The following PSME3 variants were observed in gnomAD, a reference collection of about 807,000 sequenced individuals.
The protein encoded by PSME3 is proteasome activator complex subunit 3.
Under a neutral mutation model 38.3 loss-of-function variants are expected in PSME3, and 7 were observed. That is an observed-to-expected ratio of 0.18 (90% confidence interval 0.10 to 0.34). PSME3 has a LOEUF of 0.34. Ranked by LOEUF, PSME3 falls within the 10% of genes least tolerant of loss-of-function variation. PSME3 has a pLI of 1.00. For synonymous variants in PSME3, 108 were observed against 105.7 expected (o/e 1.02, Z -0.13); for missense variants, 192 against 307.6 (o/e 0.62, Z 2.81).
At chr17:42,839,623 A>G (rs1184598733) in intron 10 of PSME3, among the ~76,000 whole-genome samples, 4 of 152,200 alleles carry the variant, frequency 2.6e-5, no homozygotes, top group African/African-American at 7.2e-5. Context: ...AGTCAGACAG[A>G]CTTAGGTTTG....
intron 10 of PSME3, among the ~76,000 whole-genome samples, chr17:42,839,744 C>G (rs1005662855): frequency 6.6e-6 from 1 of 152,192 alleles, no homozygotes; most frequent in African/African-American, 2.4e-5. Context: ...TGCCTGTAAT[C>G]CCACCACTTT....
chr17:42,839,658 T>C (rs999556473), intron 10 of PSME3, among the ~76,000 whole-genome samples: 3 of 152,216 alleles, frequency 2.0e-5, no homozygotes, highest in Non-Finnish European at 4.4e-5. Context: ...CTGTGTTGTG[T>C]GACCTCGAGC....
chr17:42,833,721 C>T, intron 1 of PSME3, 48 bp downstream of exon 1: 1 of 1,614,234 alleles, frequency 6.2e-7, no homozygotes, highest in Non-Finnish European at 8.5e-7. Context: ...GATCCCCCAG[C>T]AGTCTGACCG....
chr17:42,836,294 C>T (rs955162239), intron 4 of PSME3, among the ~76,000 whole-genome samples: 19 of 151,778 alleles, frequency 1.3e-4, no homozygotes, highest in Admixed American at 2.6e-4. Flanking sequence ...CATGAGCCAT[C>T]GTGCTCGGCC....
rs1277751514 is a variant in PSME3 at position 42,834,754 on chromosome 17, G to T, written c.139-18G>T. ...TTCAGCTTGAAAAGATTAATGTTTT[G>T]GGGTGGGTGTCTTTCAGGAACCAAT... On this transcript the variant is annotated intron_variant, in intron 3 of 10. Coordinates refer to ENST00000590720, the MANE Select transcript of PSME3 (RefSeq NM_005789.4). The T allele has an allele frequency of 1.2e-6, 2 of 1,609,548 alleles. No homozygotes were observed. The highest frequency in any genetic ancestry group is 8.5e-7 in the Non-Finnish European group (1 of 1,176,406).
intron 8 of PSME3, 48 bp downstream of exon 8, chr17:42,839,060 T>C: frequency 6.2e-7 from 1 of 1,601,272 alleles, no homozygotes; most frequent in Non-Finnish European, 8.6e-7. Flanking sequence ...GATGAGGTGG[T>C]GGGCACCATC....
At chr17:42,837,089 T>C (rs561919064) in intron 4 of PSME3, among the ~76,000 whole-genome samples, 11 of 152,108 alleles carry the variant, frequency 7.2e-5, no homozygotes, top group South Asian at 2.1e-4. Context: ...TCTTGCTCTG[T>C]TGCCCAGGCT....
chr17:42,834,924 GTCC>G (rs756481356), intron 4 of PSME3, 48 bp downstream of exon 4: 9 of 1,607,980 alleles, frequency 5.6e-6, no homozygotes, highest in Admixed American at 1.7e-5. Flanking sequence ...TAGGTCCTCT[GTCC>G]TCTGTTTCCT....
In PSME3 at chr17:42,843,342, G is replaced by A. The variant is rs2055557699; in HGVS notation, c.*1764G>A. ...ACCTCCATGGACACCTAGCCACCCTGTTGTGTGTCCTTATGCCAGTTGAGC... is the reference window on the plus strand; with the variant it reads ...ACCTCCATGGACACCTAGCCACCCTATTGTGTGTCCTTATGCCAGTTGAGC... On this transcript the variant is annotated 3_prime_UTR_variant, in exon 11 of 11. Coordinates refer to ENST00000590720, the MANE Select transcript of PSME3 (RefSeq NM_005789.4). 1 of 152,742 alleles carries A rather than the reference G, an allele frequency of 6.5e-6. No homozygotes were observed. The highest frequency in any genetic ancestry group is 6.5e-5 in the Admixed American group (1 of 15,278). 9.5% of individuals were successfully genotyped at this position (152,742 alleles called of 1,614,324 possible).
chr17:42,838,166 G>A lies in PSME3; in HGVS notation c.366G>A (p.Val122=). The A allele has an allele frequency of 6.2e-7, 1 of 1,614,146 alleles. No individual in the cohort carries two copies. Among genetic ancestry groups the A allele is most frequent in the Non-Finnish European group, 8.5e-7 (1 of 1,180,036 alleles). The stretch of plus-strand genomic sequence containing the variant: ...AGCTGGTGGACATTATTGAGAAAGT[G>A]AAACCTGAGATCCGGCTGTTGATTG... The part of the protein sequence containing the change: ...NQQLVDIIEK[V]KPEIRLLIEK... Residue 122 remains valine, a synonymous_variant, in exon 6 of 11, where the codon GTG becomes GTA. Transcript: ENST00000590720.
chr17:42,842,650 GTGTGTA>G lies in PSME3; in HGVS notation c.*1083_*1088del, dbSNP rs1215427015. 1.0e-4 allele frequency: 16 copies of G among 152,908 alleles called. No homozygotes were observed. In the East Asian group the frequency reaches 2.1e-3, roughly 20 times the overall value. The allele number at this position is 152,908 out of a possible 1,614,324, so 9.5% of individuals were successfully genotyped here. A position where few individuals can be genotyped will look rare whatever the true frequency, so the allele number is the denominator to read the frequency against. The stretch of plus-strand genomic sequence containing the variant: ...GGGCTTCCGGGGAAAGCAATCATTG[GTGTGTA>G]TGTGTATGTGCATGCACACACGTGC... On this transcript the variant is annotated 3_prime_UTR_variant, in exon 11 of 11. Coordinates refer to ENST00000590720, the MANE Select transcript of PSME3 (RefSeq NM_005789.4).
chr17:42,833,437 G>A lies in PSME3; in HGVS notation c.-195G>A, dbSNP rs530380421. 1.1e-5 allele frequency: 7 copies of A among 635,130 alleles called. No homozygotes were observed. Among genetic ancestry groups the A allele is most frequent in the East Asian group, 5.6e-5 (2 of 35,858 alleles). 39.3% of individuals were successfully genotyped at this position (635,130 alleles called of 1,614,324 possible). ...AGCGGCGAAAGCCGGGAGGGCGAGC[G>A]AGAGAGCAAGCAGGCAGCAGGCTGC... On this transcript the variant is annotated 5_prime_UTR_variant, in exon 1 of 11. Transcript: ENST00000590720.
At chr17:42,839,459 G>T in intron 10 of PSME3, 79 bp downstream of exon 10, 1 of 1,209,098 alleles carries the variant, frequency 8.3e-7, no homozygotes. Flanking sequence ...ATTCTCTGAA[G>T]GGCTGAGATG....
intron 5 of PSME3, 45 bp from the exon 6 acceptor site, chr17:42,838,048 G>A: frequency 6.3e-7 from 1 of 1,596,704 alleles, no homozygotes; most frequent in Non-Finnish European, 8.6e-7. Flanking sequence ...GGGATGCTGT[G>A]TCCTTCCCTC....
chr17:42,839,054 A>G (rs771718468), intron 8 of PSME3, 42 bp downstream of exon 8: 3 of 1,604,972 alleles, frequency 1.9e-6, no homozygotes, highest in Non-Finnish European at 2.6e-6. Context: ...GGGGCTGATG[A>G]GGTGGTGGGC....
At chr17:42,833,990 GCTGGCCTGCCTAGTATCATAGA>G in intron 1 of PSME3, 5 of 1,436,716 alleles carry the variant, frequency 3.5e-6, no homozygotes, top group Non-Finnish European at 4.5e-6. Flanking sequence ...GCCCTTGGCG[GCTGGCCTGCCTAGTATCATAGA>G]CTAGGTCTGG....
intron 1 of PSME3, 74 bp downstream of exon 1, chr17:42,833,747 T>C (rs1350187641): frequency 4.3e-6 from 7 of 1,613,406 alleles, no homozygotes; most frequent in Non-Finnish European, 5.9e-6. Flanking sequence ...CTACTCCCCA[T>C]GGCGTCTTTG....
Position 42,837,910 on chromosome 17 carries a change from A to G in PSME3, c.293-183A>G, listed in dbSNP as rs550423539. ...GGATTTAAGACTTTTGTTATGTTTT[A>G]GACGCTCATCTGTAGTTCTTTTTTT... On this transcript the variant is annotated intron_variant, in intron 5 of 10. Transcript: ENST00000590720. Among the ~76,000 whole-genome samples the G allele has an allele frequency of 1.3e-4, 20 of 152,310 alleles. No homozygotes were observed. The South Asian group carries it at 1.4e-3, about 11-fold the overall frequency.
chr17:42,843,760 A>G lies in PSME3; in HGVS notation c.*2182A>G, dbSNP rs1346159230. 3 of 152,302 alleles carry G rather than the reference A, an allele frequency of 2.0e-5. No homozygotes were observed. The highest frequency in any genetic ancestry group is 4.8e-5 in the African/African-American group (2 of 41,438). 9.4% of individuals were successfully genotyped at this position (152,302 alleles called of 1,614,324 possible). A position where few individuals can be genotyped will look rare whatever the true frequency, so the allele number is the denominator to read the frequency against. On this transcript the variant is annotated 3_prime_UTR_variant, in exon 11 of 11. Transcript: ENST00000590720. ...AAGTTTCCTCATCTTCCACCTTGCAAGTAGCCTTCTGGTTTCCAATGATCC... is the reference window on the plus strand; with the variant it reads ...AAGTTTCCTCATCTTCCACCTTGCAGGTAGCCTTCTGGTTTCCAATGATCC...
Sources: allele counts gnomAD v4.1 joint callset (sites outside exome capture counted in the v4.1 genomes callset), GRCh38; gene constraint gnomAD v4.1.1; transcripts MANE v1.5; gene names NCBI Gene and HGNC (gene_info 2026-07-23, HGNC 2026-07-21).